The following NHSL1 variants were observed in gnomAD, a reference collection of about 807,000 sequenced individuals.
NHSL1 encodes the protein NHS like 1, also known as NHS-like protein 1.
Under a neutral mutation model 95.0 loss-of-function variants are expected in NHSL1, and 48 were observed. The observed-to-expected ratio is 0.51, with a 90% CI of 0.40 to 0.64. The LOEUF is 0.64. Among genes scored for constraint, NHSL1 ranks in the 30% least tolerant of loss-of-function variants. The pLI, the probability that NHSL1 is intolerant of heterozygous loss-of-function variation, is 0.00. For synonymous variants in NHSL1, 783 were observed against 833.9 expected (o/e 0.94, Z 1.05); for missense variants, 1,971 against 2,077.7 (o/e 0.95, Z 1.00).
chr6:138,469,443 G>T (rs58182273), intron 3 of NHSL1, among the ~76,000 whole-genome samples: 1,922 of 152,262 alleles, frequency 0.013, 36 homozygotes, highest in African/African-American at 0.043. Flanking sequence ...GAAGAACAAG[G>T]CTGAGCGCGA....
In NHSL1 at chr6:138,429,751, G is replaced by T. The variant is rs775720736; in HGVS notation, c.4045C>A (p.Arg1349=). The change falls in exon 7 of 8, where the codon CGA becomes AGA. Residue 1349 remains arginine (R), a synonymous_variant. Transcript: ENST00000343505. ...DGNDEVMTPS[R]PRTTEDLFAA... is the part of the protein sequence containing the mutation. ...AAAAGGTCTTCTGTGGTCCTGGGTC[G>T]ACTGGGGGTCATTACCTCATCATTC... 3 of 1,551,754 alleles carry T rather than the reference G, an allele frequency of 1.9e-6. No individual in the cohort carries two copies. The South Asian group carries it at 3.6e-5, about 18-fold the overall frequency.
upstream of NHSL1, among the ~76,000 whole-genome samples, chr6:138,501,267 G>A (rs1156669372): frequency 6.6e-6 from 1 of 152,192 alleles, no homozygotes; most frequent in African/African-American, 2.4e-5. Context: ...AGGCACCGAT[G>A]CTAACTGCTA....
intron 1 of NHSL1, among the ~76,000 whole-genome samples, chr6:138,567,371 T>C (rs1195329285): frequency 6.6e-6 from 1 of 152,166 alleles, no homozygotes; most frequent in African/African-American, 2.4e-5. Context: ...TCAAGTGTTA[T>C]GCCCACTTCG....
intron 2 of NHSL1, among the ~76,000 whole-genome samples, chr6:138,484,350 G>A (rs1779600462): frequency 6.6e-6 from 1 of 151,606 alleles, no homozygotes; most frequent in African/African-American, 2.4e-5. Context: ...CCAGGGGAGG[G>A]GGTAAAAAAA....
chr6:138,480,349 T>C (rs1215065441), intron 2 of NHSL1, among the ~76,000 whole-genome samples: 1 of 152,246 alleles, frequency 6.6e-6, no homozygotes, highest in East Asian at 1.9e-4. Flanking sequence ...TGGTTTCGGT[T>C]GCAGGACCCA....
chr6:138,665,357 C>G (rs1288497611), intron 1 of NHSL1, among the ~76,000 whole-genome samples: 1 of 152,324 alleles, frequency 6.6e-6, no homozygotes, highest in Middle Eastern at 3.4e-3. Context: ...CCCCTGGAAG[C>G]TTAACATCTG....
chr6:138,653,044 T>A (rs1162057045), intron 1 of NHSL1, among the ~76,000 whole-genome samples: 1 of 152,220 alleles, frequency 6.6e-6, no homozygotes, highest in Non-Finnish European at 1.5e-5. Flanking sequence ...TTCCTCTGCA[T>A]TCTCTTGCCT....
intron 2 of NHSL1, among the ~76,000 whole-genome samples, chr6:138,492,075 A>C (rs1562323692): frequency 6.6e-6 from 1 of 152,240 alleles, no homozygotes. Context: ...AAATTTTATC[A>C]AAGTCTCCAG....
chr6:138,678,354 A>C (rs1406309735), intron 1 of NHSL1, among the ~76,000 whole-genome samples: 2 of 152,314 alleles, frequency 1.3e-5, no homozygotes, highest in Middle Eastern at 3.4e-3. Flanking sequence ...ATGACCTTTC[A>C]TCAGTGCAGC....
rs772541670 is a variant in NHSL1, at chr6:138,432,103, T to G, written c.2242A>C (p.Met748Leu). ...ACATTGGGGGTGGTGGCGGAAGTCA[T>G]GCTGCTGCCAGCACTAACTGTGCTC... ...SQSTVSAGSS[M>L]TSATTPNVYS... Residue 748 changes from methionine (M) to leucine (L), a missense_variant, in exon 6 of 8, where the codon ATG becomes CTG. Met to Leu is a conservative substitution (Grantham distance 15). Coordinates refer to ENST00000343505, the MANE Select transcript of NHSL1 (RefSeq NM_001144060.2). The surrounding 1 kb of genome is among the most constrained non-coding windows in gnomAD (Gnocchi z 4.4). 3.2e-6 allele frequency: 5 copies of G among 1,551,448 alleles called. No homozygotes were observed. The South Asian group carries it at 5.9e-5, about 18-fold the overall frequency.
At chr6:138,688,022 G>A (rs1785609907) in intron 1 of NHSL1, among the ~76,000 whole-genome samples, 1 of 152,106 alleles carries the variant, frequency 6.6e-6, no homozygotes, top group South Asian at 2.1e-4. Context: ...CGCCATCTCG[G>A]GTCACTACAA....
At chr6:138,677,267 T>C (rs1341578942) in intron 1 of NHSL1, among the ~76,000 whole-genome samples, 5 of 152,224 alleles carry the variant, frequency 3.3e-5, no homozygotes, top group Non-Finnish European at 7.3e-5. Context: ...GATATCAAAA[T>C]GAGGGTTTTA....
chr6:138,464,088 C>T (rs549459622), intron 3 of NHSL1: 11 of 453,174 alleles, frequency 2.4e-5, no homozygotes, highest in East Asian at 1.3e-4. Flanking sequence ...ATGGTGGCCG[C>T]GCACGAGGTC....
At chr6:138,520,597 T>C (rs1423547618) in intron 1 of NHSL1, among the ~76,000 whole-genome samples, 2 of 152,130 alleles carry the variant, frequency 1.3e-5, no homozygotes, top group Non-Finnish European at 2.9e-5. Flanking sequence ...GCAGTTTAAT[T>C]CTTTTTACAC....
At chr6:138,558,835 G>C (rs1282860369) in intron 1 of NHSL1, among the ~76,000 whole-genome samples, 1 of 152,142 alleles carries the variant, frequency 6.6e-6, no homozygotes, top group African/African-American at 2.4e-5. Context: ...TTGAGGCTAA[G>C]AGTGAAGACC....
At chr6:138,436,018 C>T (rs1776073556) in intron 5 of NHSL1, among the ~76,000 whole-genome samples, 1 of 152,132 alleles carries the variant, frequency 6.6e-6, no homozygotes, top group Admixed American at 6.5e-5. Flanking sequence ...GCTCCACTGA[C>T]CAGCTGTTTC....
intron 2 of NHSL1, among the ~76,000 whole-genome samples, chr6:138,485,378 C>A (rs1779661514): frequency 6.9e-6 from 1 of 145,194 alleles, no homozygotes; most frequent in African/African-American, 2.6e-5. Flanking sequence ...ATCCGCAGTG[C>A]TTTGTTAAGA....
At chr6:138,679,856 T>A (rs766365298) in intron 1 of NHSL1, among the ~76,000 whole-genome samples, 4 of 152,136 alleles carry the variant, frequency 2.6e-5, no homozygotes, top group Non-Finnish European at 4.4e-5. Context: ...TCTGTTCTCA[T>A]GAACAGAGAA....
At chr6:138,579,364 T>G (rs766832632) in intron 1 of NHSL1, among the ~76,000 whole-genome samples, 5 of 152,192 alleles carry the variant, frequency 3.3e-5, no homozygotes, top group African/African-American at 4.8e-5. Context: ...AGGAGATAAT[T>G]AGGCCTTTAT....
Sources: gnomAD v4.1 joint callset for allele counts (sites outside exome capture counted in the v4.1 genomes callset) on GRCh38, gnomAD v4.1.1 for gene constraint, Gnocchi (gnomAD v3.1) non-coding constraint, MANE v1.5 for transcripts, NCBI Gene and HGNC (gene_info 2026-07-23, HGNC 2026-07-21) for gene names.